KIAA1217: variants seen among roughly 807,000 people sequenced by gnomAD.
KIAA1217 encodes the protein KIAA1217, also known as sickle tail protein homolog.
Under a neutral mutation model 163.9 loss-of-function variants are expected in KIAA1217, and 88 were observed. The observed-to-expected ratio is 0.54, with a 90% CI of 0.45 to 0.64. KIAA1217 has a LOEUF of 0.64. Ranked by LOEUF, KIAA1217 falls within the 30% of genes least tolerant of loss-of-function variation. The probability of loss-of-function intolerance (pLI) is 0.00; values close to 1 mark genes in which losing one functional copy is unlikely to be tolerated. For missense variants in KIAA1217, 2,372 were observed against 2,475.0 expected, an observed-to-expected ratio of 0.96 and a Z score of 0.88; for synonymous variants, 903 against 923.1, an observed-to-expected ratio of 0.98 and a Z score of 0.39.
intron 2 of KIAA1217, among the ~76,000 whole-genome samples, chr10:24,062,322 T>A (rs946154787): frequency 8.2e-6 from 1 of 121,728 alleles, no homozygotes; most frequent in African/African-American, 3.1e-5. Context: ...CAGTGTGTGA[T>A]GTTCCCCTTC....
chr10:24,152,684 A>G (rs374894754), intron 2 of KIAA1217, among the ~76,000 whole-genome samples: 7 of 152,180 alleles, frequency 4.6e-5, no homozygotes, highest in African/African-American at 7.2e-5. Context: ...TCCATTGTCT[A>G]ACACGTAAAT....
intron 1 of KIAA1217, among the ~76,000 whole-genome samples, chr10:23,878,933 G>T (rs1374028188): frequency 6.6e-6 from 1 of 151,900 alleles, no homozygotes; most frequent in African/African-American, 2.4e-5. Flanking sequence ...TCATTTATTG[G>T]CATGGAGAAG....
rs538336522 is a variant in KIAA1217 at position 23,854,006 on chromosome 10, T to C, written c.-320-153219T>C. Reference sequence around the variant, plus strand: ...ATTTTTTGAAGGATTTTTGTGTCTCTATTTCCTTCAGTTCTGCTCTGATTT... The same window carrying C: ...ATTTTTTGAAGGATTTTTGTGTCTCCATTTCCTTCAGTTCTGCTCTGATTT... On this transcript the variant is annotated intron_variant, in intron 1 of 18. Transcript: ENST00000376462. 2.0e-5 allele frequency among the ~76,000 whole-genome samples: 3 copies of C among 152,334 alleles called. No individual in the cohort carries two copies. In the East Asian group the frequency reaches 5.8e-4, roughly 29 times the overall value.
chr10:23,791,809 A>G (rs1835962221), intron 1 of KIAA1217, among the ~76,000 whole-genome samples: 1 of 152,232 alleles, frequency 6.6e-6, no homozygotes, highest in Non-Finnish European at 1.5e-5. Flanking sequence ...TTTTACTGGG[A>G]GTTAGAAATA....
At chr10:24,202,944 C>A (rs555166559) in intron 2 of KIAA1217, among the ~76,000 whole-genome samples, 1 of 152,124 alleles carries the variant, frequency 6.6e-6, no homozygotes, top group Non-Finnish European at 1.5e-5. Context: ...AATCTCAACA[C>A]TTTGTGAGGC....
intron 3 of KIAA1217, among the ~76,000 whole-genome samples, chr10:24,425,390 A>T (rs1488038226): frequency 3.9e-5 from 6 of 152,170 alleles, no homozygotes; most frequent in Non-Finnish European, 8.8e-5. Flanking sequence ...TCTGTTTCAA[A>T]TGTTGTTATT....
chr10:24,234,842 C>T (rs1472823520), intron 2 of KIAA1217, among the ~76,000 whole-genome samples: 2 of 152,126 alleles, frequency 1.3e-5, no homozygotes, highest in Non-Finnish European at 2.9e-5. Flanking sequence ...TATTCTTCTT[C>T]TCTCTTAAAT....
chr10:24,201,256 G>A (rs986834415), intron 2 of KIAA1217, among the ~76,000 whole-genome samples: 6 of 152,220 alleles, frequency 3.9e-5, no homozygotes, highest in African/African-American at 1.4e-4. Flanking sequence ...GGGTGACAGA[G>A]CAAAACTCCA....
rs1801613823 is a variant in KIAA1217 at position 23,880,017 on chromosome 10, A to AGTCT, written c.-320-127207_-320-127204dup. On this transcript the variant is annotated intron_variant, in intron 1 of 18. Transcript: ENST00000376462. ...CTTCTGGTGGTGGGTGCTGGAGGACAGTCTCTTCAGACTGTTTCTGTTTTC... is the reference window on the plus strand; with the variant it reads ...CTTCTGGTGGTGGGTGCTGGAGGACAGTCTGTCTCTTCAGACTGTTTCTGTTTTC... Among the ~76,000 whole-genome samples the AGTCT allele has an allele frequency of 3.3e-5, 5 of 151,948 alleles. No individual in the cohort carries two copies. The South Asian group carries it at 1.0e-3, about 31-fold the overall frequency.
chr10:24,102,097 A>G (rs1251338398), intron 2 of KIAA1217, among the ~76,000 whole-genome samples: 2 of 152,224 alleles, frequency 1.3e-5, no homozygotes, highest in Non-Finnish European at 1.5e-5. Context: ...GAAGGAATAA[A>G]TAAAACTGTC....
chr10:23,805,031 G>A (rs1836667785), intron 1 of KIAA1217, among the ~76,000 whole-genome samples: 1 of 152,128 alleles, frequency 6.6e-6, no homozygotes, highest in Non-Finnish European at 1.5e-5. Context: ...TGAAAATAAA[G>A]GAATGCTTAT....
chr10:23,822,337 A>G (rs930884295), intron 1 of KIAA1217, among the ~76,000 whole-genome samples: 2 of 152,164 alleles, frequency 1.3e-5, no homozygotes, highest in African/African-American at 2.4e-5. Flanking sequence ...TTTGCCTTAT[A>G]TATGTTTGGA....
At chr10:23,898,088 G>C (rs953217152) in intron 1 of KIAA1217, among the ~76,000 whole-genome samples, 33 of 151,900 alleles carry the variant, frequency 2.2e-4, no homozygotes, top group Non-Finnish European at 8.8e-5. Context: ...CTGTTGCTAA[G>C]GGAGTCTAAG....
At chr10:24,394,617 A>G (rs1445617899) in intron 3 of KIAA1217, among the ~76,000 whole-genome samples, 1 of 152,148 alleles carries the variant, frequency 6.6e-6, no homozygotes, top group African/African-American at 2.4e-5. Context: ...GTAAGGACTG[A>G]CTTTAAAATA....
At chr10:23,786,025 C>T (rs1835477075) in intron 1 of KIAA1217, among the ~76,000 whole-genome samples, 1 of 152,116 alleles carries the variant, frequency 6.6e-6, no homozygotes, top group African/African-American at 2.4e-5. Flanking sequence ...CAAAAAACTT[C>T]CTCTCTGGTA....
intron 1 of KIAA1217, among the ~76,000 whole-genome samples, chr10:23,851,959 G>A (rs1395614025): frequency 1.3e-5 from 2 of 151,914 alleles, no homozygotes; most frequent in Non-Finnish European, 1.5e-5. Flanking sequence ...CCCATTTTGT[G>A]GGTTGCCTGT....
chr10:24,038,936 G>A (rs1295949436), intron 2 of KIAA1217, among the ~76,000 whole-genome samples: 2 of 151,994 alleles, frequency 1.3e-5, no homozygotes, highest in African/African-American at 2.4e-5. Flanking sequence ...TAGAAACAAG[G>A]TTTCACCATG....
intron 2 of KIAA1217, among the ~76,000 whole-genome samples, chr10:24,127,398 G>T (rs925959939): frequency 1.3e-5 from 2 of 152,084 alleles, no homozygotes; most frequent in Non-Finnish European, 2.9e-5. Flanking sequence ...CTGAAATCGT[G>T]CAAATGTCTT....
chr10:23,803,939 G>A (rs983538648), intron 1 of KIAA1217, among the ~76,000 whole-genome samples: 1 of 151,966 alleles, frequency 6.6e-6, no homozygotes, highest in Non-Finnish European at 1.5e-5. Flanking sequence ...AGATATCTAC[G>A]TGTTTATAAA....
Sources: allele counts gnomAD v4.1 joint callset (sites outside exome capture counted in the v4.1 genomes callset), GRCh38; gene constraint gnomAD v4.1.1; transcripts MANE v1.5; gene names NCBI Gene and HGNC (gene_info 2026-07-23, HGNC 2026-07-21).